Variants in TRERF1 observed in about 807,000 individuals in gnomAD.
The protein encoded by TRERF1 is transcriptional-regulating factor 1.
Under a neutral mutation model 122.9 loss-of-function variants are expected in TRERF1, and 27 were observed. That is an observed-to-expected ratio of 0.22 (90% CI 0.16 to 0.30). The LOEUF is 0.30. Among genes scored for constraint, TRERF1 ranks in the 10% least tolerant of loss-of-function variants. The pLI, the probability that TRERF1 is intolerant of heterozygous loss-of-function variation, is 1.00. For synonymous variants in TRERF1, 636 were observed against 641.7 expected, an observed-to-expected ratio of 0.99 and a Z score of 0.13; for missense variants, 1,248 against 1,560.3, an observed-to-expected ratio of 0.80 and a Z score of 3.37.
intron 2 of TRERF1, among the ~76,000 whole-genome samples, chr6:42,392,046 CTGATT>C (rs1236516336): frequency 6.6e-6 from 1 of 152,122 alleles, no homozygotes; most frequent in African/African-American, 2.4e-5. Context: ...CTTCCCATGA[CTGATT>C]TTCTTCGCAG....
At chr6:42,243,634 G>A (rs1774166099) in intron 14 of TRERF1, among the ~76,000 whole-genome samples, 1 of 150,810 alleles carries the variant, frequency 6.6e-6, no homozygotes, top group South Asian at 2.1e-4. Flanking sequence ...AGGCTGGAGT[G>A]CAGTGGCGCA....
intron 3 of TRERF1, among the ~76,000 whole-genome samples, chr6:42,343,184 C>T (rs899180290): frequency 6.6e-6 from 1 of 152,168 alleles, no homozygotes; most frequent in Non-Finnish European, 1.5e-5. Flanking sequence ...ATGAGAAACC[C>T]ACAAGATGGT....
At chr6:42,328,004 CTTTTTT>C (rs36069546) in intron 3 of TRERF1, among the ~76,000 whole-genome samples, 6 of 107,990 alleles carry the variant, frequency 5.6e-5, no homozygotes, top group South Asian at 3.0e-4. Flanking sequence ...TTCTTTCTTT[CTTTTTT>C]TTTTTTTTTT....
At chr6:42,319,260 T>C (rs1164631470) in intron 3 of TRERF1, among the ~76,000 whole-genome samples, 3 of 152,228 alleles carry the variant, frequency 2.0e-5, no homozygotes, top group Non-Finnish European at 2.9e-5. Flanking sequence ...AAATGTAAGA[T>C]TTTTCAGCCT....
At chr6:42,237,790 T>A (rs1772589307) in intron 15 of TRERF1, among the ~76,000 whole-genome samples, 2 of 152,228 alleles carry the variant, frequency 1.3e-5, no homozygotes, top group Non-Finnish European at 2.9e-5. Context: ...GGTGTGTGTG[T>A]GAGAGAGGGA....
chr6:42,230,448 C>T (rs1328326744), intron 17 of TRERF1, among the ~76,000 whole-genome samples: 1 of 151,920 alleles, frequency 6.6e-6, no homozygotes, highest in East Asian at 1.9e-4. Flanking sequence ...TCCTCTGTCT[C>T]CACCTGGTGG....
chr6:42,405,681 G>C (rs142836990), intron 2 of TRERF1, among the ~76,000 whole-genome samples: 1 of 151,918 alleles, frequency 6.6e-6, no homozygotes, highest in Non-Finnish European at 1.5e-5. Flanking sequence ...TGTAGTCCCA[G>C]CTACTTGGGA....
chr6:42,366,413 A>G (rs1198329279), intron 2 of TRERF1, among the ~76,000 whole-genome samples: 2 of 152,310 alleles, frequency 1.3e-5, no homozygotes, highest in Admixed American at 6.5e-5. Flanking sequence ...GGCCTTCTTG[A>G]AGCTGGGAGG....
intron 4 of TRERF1, among the ~76,000 whole-genome samples, chr6:42,271,140 G>A (rs1561880425): frequency 6.7e-6 from 1 of 148,734 alleles, no homozygotes; most frequent in Non-Finnish European, 1.5e-5. Context: ...AGCCGAGATT[G>A]TGCCACTGCA....
intron 2 of TRERF1, among the ~76,000 whole-genome samples, chr6:42,418,786 A>G (rs1331905270): frequency 6.6e-6 from 1 of 152,152 alleles, no homozygotes; most frequent in Non-Finnish European, 1.5e-5. Flanking sequence ...CTGGGGGTTC[A>G]GTAACAGGCA....
intron 2 of TRERF1, among the ~76,000 whole-genome samples, chr6:42,430,490 C>G (rs1245307780): frequency 6.6e-6 from 1 of 152,238 alleles, no homozygotes; most frequent in African/African-American, 2.4e-5. Context: ...TGGCTCATGC[C>G]TGTAATCCCA....
intron 2 of TRERF1, among the ~76,000 whole-genome samples, chr6:42,381,281 A>C (rs184164917): frequency 6.6e-6 from 1 of 151,302 alleles, no homozygotes; most frequent in East Asian, 2.0e-4. Context: ...TGTCACCTCA[A>C]TGCATCCCAT....
intron 3 of TRERF1, among the ~76,000 whole-genome samples, chr6:42,357,687 C>T (rs577033588): frequency 3.3e-5 from 5 of 152,250 alleles, no homozygotes; most frequent in African/African-American, 9.6e-5. Flanking sequence ...CACGGGCGAG[C>T]GAGCAGTCTT....
chr6:42,424,487 A>C (rs969388193), intron 2 of TRERF1, among the ~76,000 whole-genome samples: 1 of 152,224 alleles, frequency 6.6e-6, no homozygotes, highest in African/African-American at 2.4e-5. Context: ...TATATATAAC[A>C]AGTGCATTAT....
At chr6:42,389,841 T>A (rs1434554092) in intron 2 of TRERF1, among the ~76,000 whole-genome samples, 6 of 152,222 alleles carry the variant, frequency 3.9e-5, no homozygotes, top group African/African-American at 1.4e-4. Flanking sequence ...GGAGTGCCTA[T>A]CAGAAGCTTC....
At chr6:42,243,088 G>A (rs1309453538) in intron 15 of TRERF1, among the ~76,000 whole-genome samples, 160 bp downstream of exon 15, 1 of 152,180 alleles carries the variant, frequency 6.6e-6, no homozygotes, top group Non-Finnish European at 1.5e-5. Flanking sequence ...AACCTACTCA[G>A]GAGGGTAGGT....
At chr6:42,425,526 G>T (rs1783496611) in intron 2 of TRERF1, among the ~76,000 whole-genome samples, 1 of 133,070 alleles carries the variant, frequency 7.5e-6, no homozygotes, top group Non-Finnish European at 1.6e-5. Context: ...CGGCCCCCTG[G>T]GCATTTTTTT....
intron 3 of TRERF1, among the ~76,000 whole-genome samples, chr6:42,330,964 C>A (rs1765137672): frequency 6.6e-6 from 1 of 152,180 alleles, no homozygotes; most frequent in Non-Finnish European, 1.5e-5. Flanking sequence ...CAGGTGTGAG[C>A]CACTGCACCC....
intron 2 of TRERF1, among the ~76,000 whole-genome samples, chr6:42,378,721 A>C (rs1482327409): frequency 1.3e-5 from 2 of 152,130 alleles, no homozygotes; most frequent in African/African-American, 4.8e-5. Context: ...GAGAGAGGGG[A>C]AGTAACTGTC....
Sources: allele counts gnomAD v4.1 joint callset (sites outside exome capture counted in the v4.1 genomes callset), GRCh38; gene constraint gnomAD v4.1.1; transcripts MANE v1.5; gene names NCBI Gene and HGNC (gene_info 2026-07-23, HGNC 2026-07-21).